Variants in NAALADL2 observed in about 807,000 individuals in gnomAD.
NAALADL2 encodes N-acetylated alpha-linked acidic dipeptidase like 2.
Under a neutral mutation model 87.2 loss-of-function variants are expected in NAALADL2, and 76 were observed. The observed-to-expected ratio is 0.87, with a 90% CI of 0.72 to 1.05. The LOEUF (loss-of-function observed/expected upper bound fraction) is 1.05, where lower values mean the gene tolerates loss of function less well. Ranked by LOEUF, NAALADL2 falls within the 50% of genes least tolerant of loss-of-function variation. NAALADL2 has a pLI of 0.00. For synonymous variants in NAALADL2, 354 were observed against 331.0 expected (o/e 1.07, Z -0.75); for missense variants, 1,089 against 945.8 (o/e 1.15, Z -1.99).
intron 5 of NAALADL2, among the ~76,000 whole-genome samples, chr3:175,412,930 T>TTATTATTA (rs1560510690): frequency 7.9e-3 from 147 of 18,676 alleles, no homozygotes; most frequent in African/African-American, 0.022. Flanking sequence ...TATTATTATT[T>TTATTATTA]TTGAGACGGA....
At chr3:174,893,788 C>T (rs536967202) in intron 1 of NAALADL2, among the ~76,000 whole-genome samples, 11 of 152,002 alleles carry the variant, frequency 7.2e-5, no homozygotes, top group Non-Finnish European at 1.3e-4. Context: ...TAGAAGAAAA[C>T]AGGAATGAAA....
chr3:174,949,205 CAT>C (rs373562024), intron 1 of NAALADL2, among the ~76,000 whole-genome samples: 46 of 152,294 alleles, frequency 3.0e-4, no homozygotes, highest in African/African-American at 1.1e-3. Context: ...TTGGGGGAAA[CAT>C]AAACATTCAG....
intron 2 of NAALADL2, among the ~76,000 whole-genome samples, chr3:175,116,934 A>G (rs946475388): frequency 1.1e-4 from 16 of 152,188 alleles, no homozygotes; most frequent in African/African-American, 3.9e-4. Flanking sequence ...ATGGATCAGA[A>G]TAAGGCCCTT....
intron 3 of NAALADL2, among the ~76,000 whole-genome samples, chr3:174,758,439 T>C (rs1712431292): frequency 6.6e-6 from 1 of 152,174 alleles, no homozygotes; most frequent in Non-Finnish European, 1.5e-5. Context: ...GTCCCTTAAA[T>C]GTCATTGTAC....
intron 11 of NAALADL2, among the ~76,000 whole-genome samples, chr3:175,719,526 G>C (rs534716788): frequency 2.6e-5 from 4 of 152,150 alleles, no homozygotes; most frequent in African/African-American, 9.6e-5. Context: ...TGAAATAACC[G>C]TTATGCATGA....
At chr3:174,942,718 G>A (rs1047324604) in intron 1 of NAALADL2, among the ~76,000 whole-genome samples, 1 of 152,006 alleles carries the variant, frequency 6.6e-6, no homozygotes, top group African/African-American at 2.4e-5. Flanking sequence ...TTTCTTGGAG[G>A]TTTTGTTTGC....
intron 1 of NAALADL2, among the ~76,000 whole-genome samples, chr3:175,064,168 G>A (rs934000377): frequency 7.3e-5 from 11 of 150,086 alleles, no homozygotes; most frequent in African/African-American, 2.7e-4. Context: ...TATGGAGTTG[G>A]ATTGTGAAGA....
chr3:175,295,379 T>A (rs1158060627), intron 4 of NAALADL2, among the ~76,000 whole-genome samples: 3 of 152,118 alleles, frequency 2.0e-5, no homozygotes, highest in Non-Finnish European at 4.4e-5. Flanking sequence ...AATTCGTTTC[T>A]TTTCCTGTGC....
intron 3 of NAALADL2, among the ~76,000 whole-genome samples, chr3:174,804,576 C>T (rs1719235863): frequency 6.6e-6 from 1 of 152,016 alleles, no homozygotes; most frequent in African/African-American, 2.4e-5. Context: ...CAGTTTTTGC[C>T]CATTCAGTCT....
intron 1 of NAALADL2, among the ~76,000 whole-genome samples, chr3:175,019,620 A>G (rs1751310572): frequency 1.3e-5 from 2 of 151,958 alleles, no homozygotes; most frequent in Admixed American, 6.6e-5. Flanking sequence ...TGAGTTTACC[A>G]GTGATCTAAT....
intron 13 of NAALADL2, among the ~76,000 whole-genome samples, chr3:175,787,969 A>ATAGT (rs1200952031): frequency 1.3e-5 from 2 of 152,110 alleles, no homozygotes; most frequent in African/African-American, 4.8e-5. Flanking sequence ...GAAGTCTATA[A>ATAGT]TAGTAATGTC....
chr3:175,735,633 C>G (rs1685240026), intron 11 of NAALADL2, among the ~76,000 whole-genome samples: 1 of 152,086 alleles, frequency 6.6e-6, no homozygotes, highest in African/African-American at 2.4e-5. Context: ...AGGGAAACTC[C>G]CATTTTTAAC....
intron 5 of NAALADL2, among the ~76,000 whole-genome samples, chr3:175,399,058 TA>T (rs951075080): frequency 6.6e-6 from 1 of 151,340 alleles, no homozygotes; most frequent in African/African-American, 2.4e-5. Flanking sequence ...AAATAAAAAA[TA>T]AAAAAAAGAG....
At chr3:175,093,416 T>TATATATATATATATATA (rs1489640629) in intron 1 of NAALADL2, among the ~76,000 whole-genome samples, 4 of 139,524 alleles carry the variant, frequency 2.9e-5, no homozygotes, top group South Asian at 2.1e-4. Flanking sequence ...TTTTATTTTT[T>TATATATATATATATATA]TATATATATA....
chr3:174,542,132 C>G (rs1425938267), intron 1 of NAALADL2, among the ~76,000 whole-genome samples: 1 of 152,154 alleles, frequency 6.6e-6, no homozygotes, highest in Non-Finnish European at 1.5e-5. Context: ...TCTCATGGTG[C>G]TGGTGGGAGT....
At chr3:175,294,585 G>A (rs895319464) in intron 4 of NAALADL2, among the ~76,000 whole-genome samples, 3 of 152,152 alleles carry the variant, frequency 2.0e-5, no homozygotes, top group Admixed American at 6.5e-5. Context: ...CCAAGATCAC[G>A]TAGCTTGGAG....
At chr3:174,981,705 AT>A (rs146132597) in intron 1 of NAALADL2, among the ~76,000 whole-genome samples, 5 of 151,904 alleles carry the variant, frequency 3.3e-5, no homozygotes, top group East Asian at 1.9e-4. Flanking sequence ...GACTTAAAAT[AT>A]TTTTTTTCTT....
At chr3:175,703,710 T>C (rs558635621) in intron 11 of NAALADL2, among the ~76,000 whole-genome samples, 1 of 152,150 alleles carries the variant, frequency 6.6e-6, no homozygotes, top group South Asian at 2.1e-4. Context: ...GCCACTGCAT[T>C]CCAGCCTAAG....
At chr3:174,866,257 T>C (rs1046853044) in intron 1 of NAALADL2, among the ~76,000 whole-genome samples, 1 of 151,908 alleles carries the variant, frequency 6.6e-6, no homozygotes, top group South Asian at 2.1e-4. Flanking sequence ...AAAATTAAAA[T>C]TGTTATAGAG....
Sources: gnomAD v4.1 joint callset for allele counts (sites outside exome capture counted in the v4.1 genomes callset) on GRCh38, gnomAD v4.1.1 for gene constraint, MANE v1.5 for transcripts, NCBI Gene and HGNC (gene_info 2026-07-23, HGNC 2026-07-21) for gene names.